The following ADAMTSL1 variants were observed in gnomAD, a reference collection of about 807,000 sequenced individuals.
ADAMTSL1 encodes the protein ADAMTS like 1.
Under a neutral mutation model 201.8 loss-of-function variants are expected in ADAMTSL1, and 126 were observed. The ratio of observed to expected loss-of-function variants is 0.62; its 90% confidence interval spans 0.54 to 0.72. The LOEUF (loss-of-function observed/expected upper bound fraction) is 0.72, where lower values mean the gene tolerates loss of function less well. Among genes scored for constraint, ADAMTSL1 ranks in the 30% least tolerant of loss-of-function variants. ADAMTSL1 has a pLI of 0.00. For missense variants in ADAMTSL1, 2,679 were observed against 2,277.8 expected (o/e 1.18, Z -3.59); for synonymous variants, 1,121 against 903.4 (o/e 1.24, Z -4.32).
chr9:18,365,489 A>T (rs1268113886), intron 2 of ADAMTSL1, among the ~76,000 whole-genome samples: 1 of 152,298 alleles, frequency 6.6e-6, no homozygotes. Flanking sequence ...GAAGGTACAC[A>T]GGTGTTCATT....
intron 9 of ADAMTSL1, among the ~76,000 whole-genome samples, chr9:18,675,233 T>C (rs183628605): frequency 2.0e-5 from 3 of 152,294 alleles, no homozygotes; most frequent in Admixed American, 6.5e-5. Context: ...TGCCTACCTT[T>C]ATTTTGGTAG....
intron 2 of ADAMTSL1, among the ~76,000 whole-genome samples, chr9:18,276,001 T>C (rs1362253521): frequency 1.3e-5 from 2 of 152,186 alleles, no homozygotes. Context: ...GGGTTCTGGT[T>C]TCCCTACAAG....
intron 23 of ADAMTSL1, among the ~76,000 whole-genome samples, chr9:18,867,438 A>G (rs1827603586): frequency 6.6e-6 from 1 of 152,242 alleles, no homozygotes; most frequent in African/African-American, 2.4e-5. Flanking sequence ...TGATTTAAAC[A>G]GTGCAAATGT....
chr9:18,506,587 C>A (rs547898700), intron 2 of ADAMTSL1, among the ~76,000 whole-genome samples: 2 of 96,264 alleles, frequency 2.1e-5, no homozygotes, highest in Non-Finnish European at 4.8e-5. Flanking sequence ...TGATGCCATG[C>A]GAAATTCAAA....
intron 2 of ADAMTSL1, among the ~76,000 whole-genome samples, chr9:18,321,176 A>G (rs1834601096): frequency 6.6e-6 from 1 of 152,208 alleles, no homozygotes; most frequent in Non-Finnish European, 1.5e-5. Context: ...TTAATGTCAT[A>G]CAAGGTTCAT....
In ADAMTSL1 at chr9:18,282,162, A is replaced by C. The variant is rs149948179; in HGVS notation, c.207+118181A>C. On this transcript the variant is annotated intron_variant, in intron 2 of 29. Coordinates refer to the ADAMTSL1 transcript ENST00000680146. The stretch of plus-strand genomic sequence containing the variant: ...TCCATCTCTATGTCCATGTGTACCC[A>C]TTGTTGGTTCTCTGTTTCTGTGTTA... Among the ~76,000 whole-genome samples the C allele has an allele frequency of 1.9e-3, 295 of 152,068 alleles. 4 individuals are homozygous for C. Among genetic ancestry groups the C allele is most frequent in the African/African-American group, 6.8e-3 (282 of 41,472 alleles).
At chr9:18,395,781 A>G (rs1817730230) in intron 2 of ADAMTSL1, among the ~76,000 whole-genome samples, 2 of 152,202 alleles carry the variant, frequency 1.3e-5, no homozygotes, top group Admixed American at 1.3e-4. Flanking sequence ...TAAGTTGGAC[A>G]CATTTTAGTT....
intron 17 of ADAMTSL1, among the ~76,000 whole-genome samples, chr9:18,772,717 T>A (rs531048245): frequency 4.6e-5 from 7 of 152,318 alleles, no homozygotes; most frequent in African/African-American, 1.7e-4. Flanking sequence ...CTTATGATTG[T>A]CTTCCATTTG....
upstream of ADAMTSL1, chr9:18,473,882 G>T (rs1457462054): frequency 1.3e-5 from 4 of 314,396 alleles, no homozygotes; most frequent in Admixed American, 4.7e-5. Context: ...TTGCAATTCT[G>T]CATCTTTTGC....
intron 1 of ADAMTSL1, 73 bp downstream of exon 1, chr9:18,474,368 T>C: frequency 2.2e-6 from 3 of 1,364,414 alleles, no homozygotes; most frequent in South Asian, 2.4e-5. Context: ...TGTGTGTGTA[T>C]GTGTGTTTGT....
chr9:18,473,186 C>T (rs60008508), upstream of ADAMTSL1, among the ~76,000 whole-genome samples: 7,274 of 152,158 alleles, frequency 0.048, 518 homozygotes, highest in African/African-American at 0.15. Context: ...TGATAAAGGA[C>T]GTGGGTGAGG....
intron 2 of ADAMTSL1, among the ~76,000 whole-genome samples, chr9:18,370,482 A>T (rs1836996234): frequency 6.6e-6 from 1 of 152,152 alleles, no homozygotes; most frequent in Admixed American, 6.6e-5. Flanking sequence ...TTTTAAAATG[A>T]CACAACCTAC....
chr9:18,412,015 T>C (rs1818465515), intron 2 of ADAMTSL1, among the ~76,000 whole-genome samples: 1 of 152,224 alleles, frequency 6.6e-6, no homozygotes, highest in Non-Finnish European at 1.5e-5. Flanking sequence ...TATAGCAGTC[T>C]CTATACCATT....
intron 6 of ADAMTSL1, among the ~76,000 whole-genome samples, chr9:18,637,805 G>C (rs1424138754): frequency 2.0e-5 from 3 of 152,100 alleles, no homozygotes; most frequent in Non-Finnish European, 4.4e-5. Flanking sequence ...ACCAGAATAA[G>C]ATGAGGCAAT....
At chr9:18,816,720 CTTTTTTTTT>C (rs751791974) in intron 20 of ADAMTSL1, among the ~76,000 whole-genome samples, 13 of 39,752 alleles carry the variant, frequency 3.3e-4, no homozygotes, top group African/African-American at 9.3e-4. Flanking sequence ...AACCCTTGGT[CTTTTTTTTT>C]TTTTTTTTTT....
intron 2 of ADAMTSL1, among the ~76,000 whole-genome samples, chr9:18,389,658 A>G (rs1323119764): frequency 6.6e-6 from 1 of 152,206 alleles, no homozygotes; most frequent in Non-Finnish European, 1.5e-5. Flanking sequence ...TAAACATAAA[A>G]AATTAAGCTA....
At chr9:18,323,574 C>T (rs1447153963) in intron 2 of ADAMTSL1, among the ~76,000 whole-genome samples, 1 of 152,104 alleles carries the variant, frequency 6.6e-6, no homozygotes, top group East Asian at 1.9e-4. Context: ...AAGCCAAACT[C>T]TCTTTATTGA....
Position 17,995,840 on chromosome 9 carries a change from G to A in ADAMTSL1, c.87+88918G>A, listed in dbSNP as rs560605977. Among the ~76,000 whole-genome samples the A allele has an allele frequency of 7.9e-5, 12 of 151,544 alleles. 1 individual carries two copies. In the South Asian group the frequency reaches 2.5e-3, roughly 32 times the overall value. On this transcript the variant is annotated intron_variant, in intron 1 of 29. Transcript: ENST00000680146. ...GCTGGTGCTGGAAATAGAGGATCCA[G>A]GTTCAAATCCTGGCTCTGCTACCTC...
chr9:18,097,904 C>A (rs2131836275), intron 1 of ADAMTSL1, among the ~76,000 whole-genome samples: 1 of 151,162 alleles, frequency 6.6e-6, no homozygotes, highest in African/African-American at 2.4e-5. Flanking sequence ...TCTTTGCATT[C>A]TCCCAAAATG....
Sources: gnomAD v4.1 joint callset for allele counts (sites outside exome capture counted in the v4.1 genomes callset) on GRCh38, gnomAD v4.1.1 for gene constraint, MANE v1.5 for transcripts, NCBI Gene and HGNC (gene_info 2026-07-23, HGNC 2026-07-21) for gene names.